The following SH3RF3 variants were observed in gnomAD, a reference collection of about 807,000 sequenced individuals.
SH3RF3 encodes the protein SH3 domain containing ring finger 3.
In SH3RF3, 29 loss-of-function variants were observed where a neutral mutation model predicts 66.3. That is an observed-to-expected ratio of 0.44 (90% CI 0.33 to 0.60). SH3RF3 has a LOEUF of 0.60. SH3RF3 is among the 20% of genes least tolerant of loss of function. The pLI is 0.04. For synonymous variants in SH3RF3, 583 were observed against 532.0 expected (o/e 1.10, Z -1.32); for missense variants, 1,194 against 1,190.9 (o/e 1.00, Z -0.04).
intron 1 of SH3RF3, among the ~76,000 whole-genome samples, chr2:109,249,618 T>C (rs1183942950): frequency 6.7e-6 from 1 of 148,502 alleles, no homozygotes; most frequent in Non-Finnish European, 1.5e-5. Context: ...TTTCTTTCTC[T>C]TTCTTTCTCT....
chr2:109,196,745 C>G (rs887625739), intron 1 of SH3RF3, among the ~76,000 whole-genome samples: 6 of 152,164 alleles, frequency 3.9e-5, no homozygotes, highest in African/African-American at 1.4e-4. Context: ...CACCACATGC[C>G]CCGTGGCCTT....
intron 3 of SH3RF3, among the ~76,000 whole-genome samples, chr2:109,379,632 G>A (rs897915189): frequency 6.6e-5 from 10 of 152,156 alleles, no homozygotes; most frequent in South Asian, 2.1e-4. Context: ...CTTGCTTTTC[G>A]TCATCCTCTG....
intron 3 of SH3RF3, among the ~76,000 whole-genome samples, chr2:109,396,948 G>A (rs180761690): frequency 2.2e-4 from 33 of 152,240 alleles, no homozygotes; most frequent in Admixed American, 1.8e-3. Flanking sequence ...AATCCTGTAC[G>A]TCCTTCCTGA....
Position 109,501,763 on chromosome 2 carries a change from T to G in SH3RF3, c.*92T>G. 1 of 655,352 alleles carries G rather than the reference T, an allele frequency of 1.5e-6. No individual in the cohort carries two copies. Among genetic ancestry groups the G allele is most frequent in the Non-Finnish European group, 2.8e-6 (1 of 359,388 alleles). The allele number at this position is 655,352 out of a possible 1,614,324, so 40.6% of individuals were successfully genotyped here. On this transcript the variant is annotated 3_prime_UTR_variant, in exon 10 of 10. Coordinates refer to ENST00000309415, the MANE Select transcript of SH3RF3 (RefSeq NM_001099289.3). Reference sequence around the variant, plus strand: ...AGAGGGAGCCATGGCGCCCCAAGGGTTCCAGGTCATCTCCAAGGCACCTGG... The same window carrying G: ...AGAGGGAGCCATGGCGCCCCAAGGGGTCCAGGTCATCTCCAAGGCACCTGG...
At chr2:109,189,430 G>A (rs954871211) in intron 1 of SH3RF3, among the ~76,000 whole-genome samples, 15 of 150,180 alleles carry the variant, frequency 1.0e-4, no homozygotes, top group African/African-American at 3.4e-4. Context: ...GTGCAATAGC[G>A]CTATCTCGGC....
intron 1 of SH3RF3, among the ~76,000 whole-genome samples, chr2:109,261,073 T>A (rs11898957): frequency 0.25 from 38,450 of 152,030 alleles, 5,277 homozygotes; most frequent in East Asian, 0.46. Context: ...GCCTGAAGTG[T>A]CTTACACGGG....
chr2:109,496,855 C>T (rs1237746153), intron 9 of SH3RF3, among the ~76,000 whole-genome samples: 1 of 152,194 alleles, frequency 6.6e-6, no homozygotes, highest in South Asian at 2.1e-4. Context: ...CCGGGATTAT[C>T]CAGGTGGGCC....
chr2:109,306,885 G>A (rs1479838267), intron 1 of SH3RF3, among the ~76,000 whole-genome samples: 4 of 152,214 alleles, frequency 2.6e-5, no homozygotes, highest in African/African-American at 9.6e-5. Flanking sequence ...TTCAACGGGT[G>A]TGCGGTGTAC....
intron 1 of SH3RF3, among the ~76,000 whole-genome samples, chr2:109,301,346 G>A (rs1321422162): frequency 7.5e-6 from 1 of 133,140 alleles, no homozygotes; most frequent in Non-Finnish European, 1.6e-5. Context: ...GTGTGTGTGT[G>A]TGTGTGTTTG....
chr2:109,359,904 T>C (rs1411696621), intron 2 of SH3RF3, among the ~76,000 whole-genome samples: 3 of 152,260 alleles, frequency 2.0e-5, no homozygotes, highest in East Asian at 3.9e-4. Context: ...CACATGCCAA[T>C]GGCAGGTTCT....
chr2:109,501,898 C>G lies in SH3RF3; in HGVS notation c.*227C>G, dbSNP rs1342485601. The G allele has an allele frequency of 3.9e-6, 2 of 514,082 alleles. No individual in the cohort carries two copies. The highest frequency in any genetic ancestry group is 7.0e-6 in the Non-Finnish European group (2 of 287,050). 31.8% of individuals were successfully genotyped at this position (514,082 alleles called of 1,614,324 possible). On this transcript the variant is annotated 3_prime_UTR_variant, in exon 10 of 10. Coordinates refer to ENST00000309415, the MANE Select transcript of SH3RF3 (RefSeq NM_001099289.3). ...GGGATGTTCTTCAAGGAAATGCCCA[C>G]CCCCTCTGTGGAAACTGCAAAGAAA... is the stretch of plus-strand genomic sequence containing the variant.
intron 1 of SH3RF3, among the ~76,000 whole-genome samples, chr2:109,133,906 C>G (rs914112435): frequency 6.6e-6 from 1 of 152,122 alleles, no homozygotes; most frequent in Non-Finnish European, 1.5e-5. Flanking sequence ...AGGCTGTAGT[C>G]TCTGGTGGGT....
chr2:109,185,478 C>T (rs983603225), intron 1 of SH3RF3, among the ~76,000 whole-genome samples: 2 of 152,252 alleles, frequency 1.3e-5, no homozygotes, highest in African/African-American at 4.8e-5. Flanking sequence ...CAGGACATCA[C>T]ATTTACTTGA....
intron 1 of SH3RF3, among the ~76,000 whole-genome samples, chr2:109,326,026 T>G (rs1559024932): frequency 6.6e-6 from 1 of 152,248 alleles, no homozygotes; most frequent in Non-Finnish European, 1.5e-5. Context: ...ACCATCAGCC[T>G]AAGAAATGTG....
At chr2:109,375,744 C>T (rs1174450440) in intron 3 of SH3RF3, among the ~76,000 whole-genome samples, 1 of 152,238 alleles carries the variant, frequency 6.6e-6, no homozygotes. Flanking sequence ...TGCAGCCCCC[C>T]TCTCTTTCTG....
In SH3RF3 at chr2:109,204,936, G is replaced by A. The variant is rs192631703; in HGVS notation, c.573+74823G>A. On this transcript the variant is annotated intron_variant, in intron 1 of 9. Coordinates refer to ENST00000309415, the MANE Select transcript of SH3RF3 (RefSeq NM_001099289.3). ...TAAAGTAGAGCAACTGGGTGGGCATGGTGGCTCATGCCTGTAATCCTTGTG... is the reference window on the plus strand; with the variant it reads ...TAAAGTAGAGCAACTGGGTGGGCATAGTGGCTCATGCCTGTAATCCTTGTG... 1.9e-4 allele frequency among the ~76,000 whole-genome samples: 29 copies of A among 152,332 alleles called. No individual in the cohort carries two copies. The East Asian group carries it at 3.9e-3, about 20-fold the overall frequency.
Position 109,501,512 on chromosome 2 carries a change from G to C in SH3RF3, c.2490G>C (p.Val830=), listed in dbSNP as rs1189981625. 1 of 778,242 alleles carries C rather than the reference G, an allele frequency of 1.3e-6. No individual in the cohort carries two copies. The highest frequency in any genetic ancestry group is 2.4e-6 in the Non-Finnish European group (1 of 416,968). 48.2% of individuals were successfully genotyped at this position (778,242 alleles called of 1,614,324 possible). The change falls in exon 10 of 10, where the codon GTG becomes GTC. Residue 830 remains valine (V), a synonymous_variant. Transcript: ENST00000309415. The part of the protein sequence containing the change: ...PKLLPRERYR[V]VVSYPPQSEA... ...TGTGCTGTTTCCCCAGGTACCGCGT[G>C]GTGGTCTCGTACCCACCCCAGAGTG...
chr2:109,411,926 C>T (rs529285217), intron 4 of SH3RF3, among the ~76,000 whole-genome samples: 3 of 152,324 alleles, frequency 2.0e-5, no homozygotes, highest in South Asian at 4.1e-4. Flanking sequence ...CCAGTGAAGC[C>T]GGCAGAATGT....
chr2:109,487,268 T>A (rs1413234158), intron 8 of SH3RF3, among the ~76,000 whole-genome samples: 1 of 152,186 alleles, frequency 6.6e-6, no homozygotes, highest in African/African-American at 2.4e-5. Flanking sequence ...CCCAAATCAG[T>A]CTATGAGCCT....
Sources: gnomAD v4.1 joint callset for allele counts (sites outside exome capture counted in the v4.1 genomes callset) on GRCh38, gnomAD v4.1.1 for gene constraint, MANE v1.5 for transcripts, NCBI Gene and HGNC (gene_info 2026-07-23, HGNC 2026-07-21) for gene names.